Variants in RGS7 observed in about 807,000 individuals in gnomAD.
RGS7 encodes the protein regulator of G protein signaling 7, also known as regulator of G-protein signaling 7.
In RGS7, 27 loss-of-function variants were observed where a neutral mutation model predicts 81.1. The ratio of observed to expected loss-of-function variants is 0.33; its 90% confidence interval spans 0.25 to 0.46. RGS7 has a LOEUF of 0.46. Among genes scored for constraint, RGS7 ranks in the 20% least tolerant of loss-of-function variants. The pLI is 1.00. For missense variants in RGS7, 396 were observed against 607.4 expected (o/e 0.65, Z 3.66); for synonymous variants, 208 against 207.7 (o/e 1.00, Z -0.01).
chr1:241,109,724 G>A (rs893322960), intron 2 of RGS7, among the ~76,000 whole-genome samples: 4 of 152,110 alleles, frequency 2.6e-5, no homozygotes, highest in African/African-American at 9.7e-5. Context: ...TTGGGAGGCT[G>A]AGGCAGGTGG....
intron 6 of RGS7, among the ~76,000 whole-genome samples, chr1:240,922,631 C>T (rs1673768100): frequency 6.6e-6 from 1 of 152,010 alleles, no homozygotes; most frequent in Admixed American, 6.6e-5. Flanking sequence ...TGCTCAATAT[C>T]ATATGTTATT....
At chr1:241,010,551 T>C (rs1042999784) in intron 3 of RGS7, among the ~76,000 whole-genome samples, 1 of 152,192 alleles carries the variant, frequency 6.6e-6, no homozygotes, top group African/African-American at 2.4e-5. Context: ...ATGCCAAGAA[T>C]GAAACTGCAT....
intron 2 of RGS7, among the ~76,000 whole-genome samples, chr1:241,327,704 G>A (rs1263834455): frequency 1.3e-5 from 2 of 152,170 alleles, no homozygotes; most frequent in African/African-American, 2.4e-5. Context: ...CAGAGCAAAA[G>A]TTAGAAATAA....
chr1:241,207,031 C>G (rs1361013570), intron 2 of RGS7, among the ~76,000 whole-genome samples: 1 of 121,104 alleles, frequency 8.3e-6, no homozygotes, highest in African/African-American at 3.2e-5. Flanking sequence ...TGCAGTGGTG[C>G]GATCTGGGCT....
At chr1:240,966,299 G>GA (rs534340281) in intron 4 of RGS7, among the ~76,000 whole-genome samples, 14 of 150,548 alleles carry the variant, frequency 9.3e-5, no homozygotes, top group South Asian at 2.1e-4. Context: ...AAAAACTTAG[G>GA]AAAAAAAAAT....
At chr1:240,899,646 A>G (rs1035393582) in intron 6 of RGS7, among the ~76,000 whole-genome samples, 1 of 152,226 alleles carries the variant, frequency 6.6e-6, no homozygotes, top group African/African-American at 2.4e-5. Context: ...GTTTCTGCTG[A>G]GAGATCAGCT....
At chr1:241,099,285 T>G (rs1352738567) in intron 2 of RGS7, among the ~76,000 whole-genome samples, 2 of 152,164 alleles carry the variant, frequency 1.3e-5, no homozygotes, top group Non-Finnish European at 2.9e-5. Flanking sequence ...GCCCGGGTAC[T>G]TACTGAAGTG....
chr1:241,115,136 T>C (rs575640613), intron 2 of RGS7, among the ~76,000 whole-genome samples: 26 of 152,362 alleles, frequency 1.7e-4, no homozygotes, highest in Non-Finnish European at 3.5e-4. Flanking sequence ...TAAATTTGTT[T>C]TCTGCTTACA....
At chr1:240,784,640 C>T (rs1389466164) in intron 18 of RGS7, among the ~76,000 whole-genome samples, 3 of 149,510 alleles carry the variant, frequency 2.0e-5, no homozygotes, top group African/African-American at 5.0e-5. Context: ...AATAAGACTC[C>T]GCCTCAAAAA....
chr1:240,920,026 A>G (rs1673237984), intron 6 of RGS7: 2 of 1,199,134 alleles, frequency 1.7e-6, no homozygotes, highest in South Asian at 2.4e-5. Flanking sequence ...GATTATTTTG[A>G]ACAGTTTGGA....
At chr1:241,033,338 G>A (rs772445609) in intron 3 of RGS7, among the ~76,000 whole-genome samples, 10 of 152,078 alleles carry the variant, frequency 6.6e-5, no homozygotes, top group African/African-American at 1.2e-4. Flanking sequence ...GTGACAGAGC[G>A]AGAGTCCATC....
chr1:241,189,398 G>C (rs1385143882), intron 2 of RGS7, among the ~76,000 whole-genome samples: 3 of 152,070 alleles, frequency 2.0e-5, no homozygotes, highest in African/African-American at 7.2e-5. Flanking sequence ...AAGTTCTATA[G>C]TCTATATTCT....
intron 2 of RGS7, among the ~76,000 whole-genome samples, chr1:241,250,001 C>G (rs2815862): frequency 0.69 from 105,297 of 151,946 alleles, 36,511 homozygotes; most frequent in African/African-American, 0.72. Flanking sequence ...TAAAACCAAT[C>G]ACATGTTGTT....
At chr1:240,786,402 A>G (rs1401262596) in intron 18 of RGS7, among the ~76,000 whole-genome samples, 3 of 152,180 alleles carry the variant, frequency 2.0e-5, no homozygotes, top group Admixed American at 2.0e-4. Flanking sequence ...CTTCAAAAAT[A>G]ATGTTGTTTT....
chr1:241,237,487 G>A (rs961070223), intron 2 of RGS7, among the ~76,000 whole-genome samples: 9 of 151,848 alleles, frequency 5.9e-5, no homozygotes, highest in African/African-American at 2.2e-4. Context: ...GTCTAGAGGA[G>A]CACGTATATT....
chr1:241,269,910 CAT>C, intron 2 of RGS7, among the ~76,000 whole-genome samples: 1 of 152,306 alleles, frequency 6.6e-6, no homozygotes, highest in Non-Finnish European at 1.5e-5. Context: ...GGTTGGCAAA[CAT>C]AGGGCATTAT....
At chr1:241,102,161 T>G (rs1345007923) in intron 2 of RGS7, among the ~76,000 whole-genome samples, 1 of 152,198 alleles carries the variant, frequency 6.6e-6, no homozygotes, top group Non-Finnish European at 1.5e-5. Flanking sequence ...AATTTATCCG[T>G]GAACCTTCTC....
At chr1:241,261,608 G>A (rs1457020130) in intron 2 of RGS7, among the ~76,000 whole-genome samples, 2 of 137,910 alleles carry the variant, frequency 1.5e-5, no homozygotes, top group South Asian at 2.3e-4. Context: ...CAGCCTGGGC[G>A]ACAGGGTGAG....
chr1:240,863,595 T>C (rs1010621804), intron 9 of RGS7, among the ~76,000 whole-genome samples: 1 of 152,242 alleles, frequency 6.6e-6, no homozygotes. Flanking sequence ...GGCAGCCCTG[T>C]TGGCAATAGC....
Sources: allele counts gnomAD v4.1 joint callset (sites outside exome capture counted in the v4.1 genomes callset), GRCh38; gene constraint gnomAD v4.1.1; transcripts MANE v1.5; gene names NCBI Gene and HGNC (gene_info 2026-07-23, HGNC 2026-07-21).